The following ZC2HC1B variants were observed in gnomAD, a reference collection of about 807,000 sequenced individuals.
The protein encoded by ZC2HC1B is zinc finger C2HC domain-containing protein 1B.
A neutral mutation model predicts 31.0 loss-of-function variants in ZC2HC1B; 36 were observed. That is an observed-to-expected ratio of 1.16 (90% confidence interval 0.89 to 1.54). The LOEUF is 1.54. Among genes scored for constraint, ZC2HC1B ranks in the 40% most tolerant of loss-of-function variants. The pLI is 0.00. For missense variants in ZC2HC1B, 260 were observed against 268.6 expected (o/e 0.97, Z 0.22); for synonymous variants, 73 against 88.0 (o/e 0.83, Z 0.95).
At chr6:143,914,762 A>G (rs1179998434) in intron 6 of ZC2HC1B, among the ~76,000 whole-genome samples, 1 of 151,880 alleles carries the variant, frequency 6.6e-6, no homozygotes, top group Admixed American at 6.6e-5. Context: ...GTGTCTTGTA[A>G]TCTTTTTTGA....
intron 4 of ZC2HC1B, among the ~76,000 whole-genome samples, chr6:143,898,135 C>G (rs968064619): frequency 2.0e-5 from 3 of 152,194 alleles, no homozygotes; most frequent in Admixed American, 6.5e-5. Context: ...GAGTTTGGGA[C>G]CTTGTTCTTT....
chr6:143,907,850 C>G (rs1777814102), intron 6 of ZC2HC1B, among the ~76,000 whole-genome samples: 1 of 152,036 alleles, frequency 6.6e-6, no homozygotes, highest in Non-Finnish European at 1.5e-5. Flanking sequence ...AAATCTTTGC[C>G]CATGCCTATG....
intron 6 of ZC2HC1B, among the ~76,000 whole-genome samples, chr6:143,909,350 T>C (rs1268634726): frequency 6.6e-6 from 1 of 152,014 alleles, no homozygotes; most frequent in Non-Finnish European, 1.5e-5. Flanking sequence ...TGAGCTGAGA[T>C]TGACCCACTG....
In ZC2HC1B at chr6:143,869,296, C is replaced by T. The variant is rs73000526; in HGVS notation, c.28+4729C>T. On this transcript the variant is annotated intron_variant, in intron 1 of 7. Transcript: ENST00000237275. This position sits in a 1 kb window ranked among gnomAD's most constrained non-coding sequence, Gnocchi z 5.2. ...CTGTTGTGGAGTAGTAGAGCATACA[C>T]GATCTTCTGGAGAACTTTACCCCAG... is the stretch of plus-strand genomic sequence containing the variant. 0.018 allele frequency among the ~76,000 whole-genome samples: 2,689 copies of T among 152,310 alleles called. 30 individuals are homozygous for T. The highest frequency in any genetic ancestry group is 0.03 in the Non-Finnish European group (2,009 of 68,034).
intron 6 of ZC2HC1B, among the ~76,000 whole-genome samples, chr6:143,910,303 A>C (rs1777842613): frequency 6.6e-6 from 1 of 152,038 alleles, no homozygotes; most frequent in Non-Finnish European, 1.5e-5. Context: ...TTGAGTTCTA[A>C]TTTGATTGTG....
intron 6 of ZC2HC1B, among the ~76,000 whole-genome samples, chr6:143,910,833 A>T (rs1777847273): frequency 6.6e-6 from 1 of 152,068 alleles, no homozygotes. Context: ...GGCTCATTGC[A>T]ACCTCCACCT....
chr6:143,888,493 A>G lies in ZC2HC1B; in HGVS notation c.349+1672A>G, dbSNP rs192524525. ...ATAGAATGTTTTGGGTACTATTGTC[A>G]TCTTAACAATATTAAGTTTTCCAAT... On this transcript the variant is annotated intron_variant, in intron 4 of 7. Coordinates refer to ENST00000237275, the MANE Select transcript of ZC2HC1B (RefSeq NM_001013623.3). Among the ~76,000 whole-genome samples the G allele has an allele frequency of 2.5e-3, 374 of 152,148 alleles. 1 individual carries two copies. Among genetic ancestry groups the G allele is most frequent in the Non-Finnish European group, 3.5e-3 (235 of 67,890 alleles).
Position 143,921,998 on chromosome 6 carries a change from T to C in ZC2HC1B, c.599-15651T>C, listed in dbSNP as rs1240569496. Among the ~76,000 whole-genome samples the C allele has an allele frequency of 6.6e-6, 1 of 152,182 alleles. No homozygotes were observed. Among genetic ancestry groups the C allele is most frequent in the Non-Finnish European group, 1.5e-5 (1 of 68,028 alleles). ...TGTCTTTAAATTAGTCACATATAAT[T>C]TGGAGCCATTCTGGGGAGGAATTAG... On this transcript the variant is annotated intron_variant, in intron 6 of 7. Transcript: ENST00000237275. The surrounding 1 kb of genome is among the most constrained non-coding windows in gnomAD (Gnocchi z 6.1).
At chr6:143,927,956 C>A (rs1023971482) in intron 6 of ZC2HC1B, among the ~76,000 whole-genome samples, 1 of 151,958 alleles carries the variant, frequency 6.6e-6, no homozygotes, top group African/African-American at 2.4e-5. Context: ...TGTCTATGTT[C>A]TTTGCTCACT....
intron 6 of ZC2HC1B, among the ~76,000 whole-genome samples, chr6:143,919,691 T>G (rs180985931): frequency 5.5e-4 from 83 of 152,292 alleles, no homozygotes; most frequent in African/African-American, 2.0e-3. Flanking sequence ...GATCCAGGAA[T>G]ATGTGCAGAG....
chr6:143,917,376 A>C lies in ZC2HC1B; in HGVS notation c.598+14224A>C, dbSNP rs575606735. Among the ~76,000 whole-genome samples, 15 of 152,258 alleles carry C rather than the reference A, an allele frequency of 9.9e-5. No individual in the cohort carries two copies. In the South Asian group the frequency reaches 3.1e-3, roughly 32 times the overall value. On this transcript the variant is annotated intron_variant, in intron 6 of 7. Coordinates refer to ENST00000237275, the MANE Select transcript of ZC2HC1B (RefSeq NM_001013623.3). The surrounding 1 kb of genome is among the most constrained non-coding windows in gnomAD (Gnocchi z 4.1). ...TACCGTCTTCTTTTGTTTTTAGTTG[A>C]TTTTTGAAGCAAAACATTTATATTC...
At position 143,929,078 on chromosome 6, in the gene ZC2HC1B, T is replaced by G. The variant is rs118127092; in HGVS notation, c.599-8571T>G. On this transcript the variant is annotated intron_variant, in intron 6 of 7. Transcript: ENST00000237275. The stretch of plus-strand genomic sequence containing the variant: ...CCTCTTTTCCCATTTTGATGGCTTT[T>G]ATTTTTTTCTCTTGCCTGATTGCTC... Among the ~76,000 whole-genome samples, 83 of 152,304 alleles carry G rather than the reference T, an allele frequency of 5.4e-4. 2 individuals carry two copies. In the East Asian group the frequency reaches 0.015, roughly 28 times the overall value.
chr6:143,937,753 G>T lies in ZC2HC1B; in HGVS notation c.*14+20G>T, dbSNP rs118175463. 1.8e-3 allele frequency: 2,669 copies of T among 1,511,188 alleles called. 34 individuals carry two copies. The East Asian group carries it at 0.031, about 17-fold the overall frequency. The allele number at this position is 1,511,188 out of a possible 1,614,324, so 93.6% of individuals were successfully genotyped here. A position where few individuals can be genotyped will look rare whatever the true frequency, so the allele number is the denominator to read the frequency against. On this transcript the variant is annotated intron_variant, in intron 7 of 7. Coordinates refer to ENST00000237275, the MANE Select transcript of ZC2HC1B (RefSeq NM_001013623.3). ...AGCCAGGTAAGAAAAAAAAATCACC[G>T]CTAATCCAGCTGTTGCTGACCAGTT...
chr6:143,902,662 TTAAAAAAAA>T (rs1777749986), intron 5 of ZC2HC1B, among the ~76,000 whole-genome samples: 1 of 152,186 alleles, frequency 6.6e-6, no homozygotes, highest in Non-Finnish European at 1.5e-5. Flanking sequence ...TTTGTTCATG[TTAAAAAAAA>T]CAAAATAGTC....
intron 1 of ZC2HC1B, among the ~76,000 whole-genome samples, chr6:143,882,332 TTTTATATATATATATATATATA>T (rs1324397337): frequency 3.0e-5 from 2 of 67,404 alleles, no homozygotes; most frequent in Admixed American, 3.1e-4. Context: ...ATTTTATATT[TTTTATATATATATATATATATA>T]TATATATATA....
At chr6:143,910,867 C>T (rs2128495981) in intron 6 of ZC2HC1B, among the ~76,000 whole-genome samples, 1 of 152,318 alleles carries the variant, frequency 6.6e-6, no homozygotes, top group East Asian at 1.9e-4. Flanking sequence ...ATTCTCCTGC[C>T]TCAGCTTCCC....
At chr6:143,904,883 C>A (rs903840527) in intron 6 of ZC2HC1B, among the ~76,000 whole-genome samples, 1 of 152,174 alleles carries the variant, frequency 6.6e-6, no homozygotes, top group East Asian at 1.9e-4. Flanking sequence ...AATCATTTGA[C>A]CATGTATACA....
At chr6:143,866,135 C>T (rs780443953) in intron 1 of ZC2HC1B, among the ~76,000 whole-genome samples, 1 of 152,198 alleles carries the variant, frequency 6.6e-6, no homozygotes, top group Non-Finnish European at 1.5e-5. Context: ...TGTTTAAGCA[C>T]TGCCCGTGAA....
Position 143,865,313 on chromosome 6 carries a change from G to A in ZC2HC1B, c.28+746G>A, listed in dbSNP as rs1777243883. Among the ~76,000 whole-genome samples, 1 of 152,206 alleles carries A rather than the reference G, an allele frequency of 6.6e-6. No homozygotes were observed. The highest frequency in any genetic ancestry group is 1.5e-5 in the Non-Finnish European group (1 of 68,040). On this transcript the variant is annotated intron_variant, in intron 1 of 7. Transcript: ENST00000237275. The surrounding 1 kb of genome is among the most constrained non-coding windows in gnomAD (Gnocchi z 4.4). ...GGTCTGAGGAGGCAGGATAGGTGCAGCGAAATGTAACTGGCAATACTATCG... is the reference window on the plus strand; with the variant it reads ...GGTCTGAGGAGGCAGGATAGGTGCAACGAAATGTAACTGGCAATACTATCG...
Sources: gnomAD v4.1 joint callset for allele counts (sites outside exome capture counted in the v4.1 genomes callset) on GRCh38, gnomAD v4.1.1 for gene constraint, Gnocchi (gnomAD v3.1) non-coding constraint, MANE v1.5 for transcripts, NCBI Gene and HGNC (gene_info 2026-07-23, HGNC 2026-07-21) for gene names.